Variants in SEC14L3 observed in about 807,000 individuals in gnomAD.
The protein encoded by SEC14L3 is SEC14 like lipid binding 3.
In SEC14L3, 56 loss-of-function variants were observed where a neutral mutation model predicts 57.4. The ratio of observed to expected loss-of-function variants is 0.97; its 90% CI spans 0.79 to 1.22. The LOEUF (loss-of-function observed/expected upper bound fraction) is 1.22. Ranked by LOEUF, SEC14L3 falls within the 50% of genes most tolerant of loss-of-function variation. SEC14L3 has a pLI of 0.00. For synonymous variants in SEC14L3, 173 were observed against 194.4 expected (o/e 0.89, Z 0.92); for missense variants, 485 against 511.7 (o/e 0.95, Z 0.50).
In SEC14L3 at chr22:30,459,620, CTA is replaced by C. The variant is rs1336457354; in HGVS notation, c.*399_*400del. On this transcript the variant is annotated 3_prime_UTR_variant, in exon 12 of 12. Coordinates refer to ENST00000215812, the MANE Select transcript of SEC14L3 (RefSeq NM_174975.5). ...GCCACAAATATACACTGAGCATCTA[CTA>C]TATATAGGGAGTGGAAGTAAAAAGG... is the stretch of plus-strand genomic sequence containing the variant. The C allele has an allele frequency of 1.0e-6, 1 of 996,652 alleles. No homozygotes were observed. The highest frequency in any genetic ancestry group is 1.2e-6 in the Non-Finnish European group (1 of 835,806). 61.7% of individuals were successfully genotyped at this position (996,652 alleles called of 1,614,324 possible).
chr22:30,453,702 C>T (rs56174416), intron 12 of SEC14L3, among the ~76,000 whole-genome samples: 45,062 of 152,070 alleles, frequency 0.3, 7,337 homozygotes, highest in South Asian at 0.48. Context: ...CGTGAGCCGC[C>T]GTGCCCAGCC....
intron 5 of SEC14L3, 139 bp downstream of exon 5, chr22:30,468,369 C>A (rs1239571778): frequency 3.3e-6 from 2 of 607,666 alleles, no homozygotes; most frequent in Non-Finnish European, 5.9e-6. Flanking sequence ...GGCCACACAG[C>A]TGGTAAGCAA....
chr22:30,451,991 C>CAAAAAAAAAAAAAAAAAAAAAAAA (rs34799395), intron 12 of SEC14L3, among the ~76,000 whole-genome samples: 1 of 33,820 alleles, frequency 3.0e-5, no homozygotes, highest in Admixed American at 4.0e-4. Context: ...GACTCCATCT[C>CAAAAAAAAAAAAAAAAAAAAAAAA]AAAAAAAAAA....
In SEC14L3 at chr22:30,467,181, C is replaced by G. The variant is rs1214205783; in HGVS notation, c.424-104G>C. The G allele has an allele frequency of 2.0e-6, 3 of 1,523,472 alleles. No individual in the cohort carries two copies. In the African/African-American group the frequency reaches 4.1e-5, roughly 21 times the overall value. The allele number at this position is 1,523,472 out of a possible 1,614,324, so 94.4% of individuals were successfully genotyped here. On this transcript the variant is annotated intron_variant, in intron 5 of 11. Transcript: ENST00000215812. ...TTGGGGCTTCTTCTAGACCCCGACT[C>G]TGTCCTCAGAGGAACAAGTAGACTA...
Position 30,462,727 on chromosome 22 carries a change from C to A in SEC14L3, c.665-535G>T, listed in dbSNP as rs183171954. 1.3e-3 allele frequency among the ~76,000 whole-genome samples: 181 copies of A among 143,406 alleles called. 3 individuals are homozygous for A. The South Asian group carries it at 0.023, about 18-fold the overall frequency. 94.1% of individuals were successfully genotyped at this position (143,406 alleles called of 152,430 possible). The stretch of plus-strand genomic sequence containing the variant: ...TGTAAGCCACCATCACCATGCCCAG[C>A]CTATGGCACATTCTTTTTTTTTTTT... On this transcript the variant is annotated intron_variant, in intron 8 of 11. Coordinates refer to ENST00000215812, the MANE Select transcript of SEC14L3 (RefSeq NM_174975.5).
Position 30,466,316 on chromosome 22 carries a change from A to G in SEC14L3, c.580+18T>C. 4 of 1,610,102 alleles carry G rather than the reference A, an allele frequency of 2.5e-6. No homozygotes were observed. The highest frequency in any genetic ancestry group is 3.4e-6 in the Non-Finnish European group (4 of 1,176,546). On this transcript the variant is annotated intron_variant, in intron 7 of 11. Transcript: ENST00000215812. Reference sequence around the variant, plus strand: ...GAGGAAACAGAGGCACAAGTAAGTGAAGTCATTTGTCACATACCTTTCACG... The same window carrying G: ...GAGGAAACAGAGGCACAAGTAAGTGGAGTCATTTGTCACATACCTTTCACG...
chr22:30,462,029 A>C lies in SEC14L3; in HGVS notation c.771+57T>G, dbSNP rs1935283862. On this transcript the variant is annotated intron_variant, in intron 9 of 11. Coordinates refer to ENST00000215812, the MANE Select transcript of SEC14L3 (RefSeq NM_174975.5). Reference sequence around the variant, plus strand: ...AATTGTGGATGAATGACTGAGTGGAAAGGGAATCCAGCTTAATTCTTGAAC... The same window carrying C: ...AATTGTGGATGAATGACTGAGTGGACAGGGAATCCAGCTTAATTCTTGAAC... 1.9e-6 allele frequency: 3 copies of C among 1,546,848 alleles called. No individual in the cohort carries two copies. In the South Asian group the frequency reaches 3.4e-5, roughly 18 times the overall value.
chr22:30,461,530 C>G, intron 10 of SEC14L3, 25 bp downstream of exon 10: 1 of 1,613,884 alleles, frequency 6.2e-7, no homozygotes. Context: ...TGATGGGTCT[C>G]TGAGGGGTTA....
rs1345931095 is a variant in SEC14L3 at position 30,461,990 on chromosome 22, A to G, written c.771+96T>C. ...ACTAGCTTAACACCCAGTTCTTGGCATCTCTCTATAGGTAATTGTGGATGA... is the reference window on the plus strand; with the variant it reads ...ACTAGCTTAACACCCAGTTCTTGGCGTCTCTCTATAGGTAATTGTGGATGA... On this transcript the variant is annotated intron_variant, in intron 9 of 11. Transcript: ENST00000215812. 9.2e-6 allele frequency: 12 copies of G among 1,310,270 alleles called. 1 individual carries two copies. In the East Asian group the frequency reaches 3.0e-4, roughly 32 times the overall value. The allele number at this position is 1,310,270 out of a possible 1,614,324, so 81.2% of individuals were successfully genotyped here. A position where few individuals can be genotyped will look rare whatever the true frequency, so the allele number is the denominator to read the frequency against.
At chr22:30,464,748 G>T in intron 8 of SEC14L3, 72 bp downstream of exon 8, 1 of 1,395,858 alleles carries the variant, frequency 7.2e-7, no homozygotes, top group Non-Finnish European at 1.0e-6. Flanking sequence ...TGGAGTTCTA[G>T]ATGGGGTAAT....
chr22:30,467,670 A>C (rs1053942685), intron 5 of SEC14L3, among the ~76,000 whole-genome samples: 2 of 152,170 alleles, frequency 1.3e-5, no homozygotes, highest in African/African-American at 2.4e-5. Flanking sequence ...TTTCAGACCT[A>C]AAGGATAGAT....
In SEC14L3 at chr22:30,461,451, T is replaced by A; in HGVS notation, c.940A>T (p.Ile314Phe). ...GTCTTCAGGAAAACTCCGAAGCCGA[T>A]GTCCGCACCATCAGATGAGAACTGC... ...RWQFSSDGAD[I>F]GFGVFLKTKM... Residue 314 changes from isoleucine (I) to phenylalanine (F), a missense_variant, in exon 11 of 12, where the codon ATC (isoleucine) becomes TTC (phenylalanine). Ile to Phe is a conservative substitution (Grantham distance 21). Transcript: ENST00000215812. 1 of 1,613,894 alleles carries A rather than the reference T, an allele frequency of 6.2e-7. No individual in the cohort carries two copies. Among genetic ancestry groups the A allele is most frequent in the Non-Finnish European group, 8.5e-7 (1 of 1,179,872 alleles).
In SEC14L3 at chr22:30,470,012, G is replaced by T. The variant is rs1833575338; in HGVS notation, c.234+7C>A. On this transcript the variant is annotated splice_region_variant and intron_variant, in intron 4 of 11. Coordinates refer to ENST00000215812, the MANE Select transcript of SEC14L3 (RefSeq NM_174975.5). ...AAAGACTGAGGTGTTTGGCGGTGTT[G>T]GCTCACCTCTGGGGGCTGCCAATCA... is the stretch of plus-strand genomic sequence containing the variant. 1 of 1,540,494 alleles carries T rather than the reference G, an allele frequency of 6.5e-7. No individual in the cohort carries two copies. Among genetic ancestry groups the T allele is most frequent in the Non-Finnish European group, 8.7e-7 (1 of 1,142,884 alleles).
rs1935625942 is a variant in SEC14L3 at position 30,471,926 on chromosome 22, T to C, written c.33A>G (p.Lys11=). The change falls in exon 1 of 12, where the codon AAA becomes AAG. Residue 11 remains lysine (K), a synonymous_variant. Transcript: ENST00000215812. MSGRVGDLSP[K]QAETLAKFRE... is the part of the protein sequence containing the mutation. The stretch of plus-strand genomic sequence containing the variant: ...TCACCTTGGCCAGGGTCTCTGCCTG[T>C]TTGGGGCTCAGGTCTCCAACTCGGC... 6.2e-7 allele frequency: 1 copy of C among 1,612,054 alleles called. No homozygotes were observed. Among genetic ancestry groups the C allele is most frequent in the African/African-American group, 1.3e-5 (1 of 74,834 alleles).
intron 7 of SEC14L3, 29 bp from the exon 8 acceptor site, chr22:30,464,932 A>T (rs1474868516): frequency 6.2e-7 from 1 of 1,613,632 alleles, no homozygotes; most frequent in Admixed American, 1.7e-5. Flanking sequence ...GGATAATGGG[A>T]AGAAAAGAAT....
At chr22:30,455,696 G>A (rs1373584969), downstream of SEC14L3, among the ~76,000 whole-genome samples, 1 of 152,192 alleles carries the variant, frequency 6.6e-6, no homozygotes, top group Non-Finnish European at 1.5e-5. Flanking sequence ...GGCCTCATTA[G>A]CACCAGCATA....
At chr22:30,456,615 C>G (rs1387467342), downstream of SEC14L3, among the ~76,000 whole-genome samples, 2 of 152,058 alleles carry the variant, frequency 1.3e-5, no homozygotes, top group Non-Finnish European at 2.9e-5. Context: ...CATGAAGGAT[C>G]TACCGCCATG....
At chr22:30,447,667 G>A (rs1934903958), downstream of SEC14L3, among the ~76,000 whole-genome samples, 1 of 152,220 alleles carries the variant, frequency 6.6e-6, no homozygotes, top group Admixed American at 6.5e-5. Context: ...GATGTTTGGT[G>A]GGGGATCTTA....
intron 12 of SEC14L3, among the ~76,000 whole-genome samples, chr22:30,449,804 A>G (rs1934946862): frequency 6.6e-6 from 1 of 152,064 alleles, no homozygotes; most frequent in African/African-American, 2.4e-5. Context: ...GCCTCAGGTG[A>G]TCCACCTGCC....
Sources: allele counts gnomAD v4.1 joint callset (sites outside exome capture counted in the v4.1 genomes callset), GRCh38; gene constraint gnomAD v4.1.1; transcripts MANE v1.5; gene names NCBI Gene and HGNC (gene_info 2026-07-23, HGNC 2026-07-21).